TLL2: variants seen among roughly 807,000 people sequenced by gnomAD.
The protein encoded by TLL2 is tolloid-like protein 2.
A neutral mutation model predicts 123.0 loss-of-function variants in TLL2; 106 were observed. The observed-to-expected ratio is 0.86, with a 90% CI of 0.74 to 1.01. The LOEUF (loss-of-function observed/expected upper bound fraction) is 1.01. Among genes scored for constraint, TLL2 ranks in the 50% least tolerant of loss-of-function variants. The probability of loss-of-function intolerance (pLI) is 0.00; values close to 1 mark genes in which losing one functional copy is unlikely to be tolerated. For missense variants in TLL2, 1,332 were observed against 1,336.7 expected, an observed-to-expected ratio of 1.00 and a Z score of 0.06; for synonymous variants, 494 against 516.8, an observed-to-expected ratio of 0.96 and a Z score of 0.60.
intron 1 of TLL2, among the ~76,000 whole-genome samples, chr10:96,488,494 A>G (rs1421721545): frequency 6.6e-6 from 1 of 152,182 alleles, no homozygotes; most frequent in Admixed American, 6.5e-5. Flanking sequence ...TGTTCTACAG[A>G]TCTTGCCCCA....
intron 1 of TLL2, among the ~76,000 whole-genome samples, chr10:96,505,105 G>A (rs1233099863): frequency 6.6e-6 from 1 of 152,264 alleles, no homozygotes; most frequent in East Asian, 1.9e-4. Flanking sequence ...TTGACTCGCA[G>A]TTCTGCATGG....
At chr10:96,384,357 T>C (rs147552429) in intron 16 of TLL2, among the ~76,000 whole-genome samples, 2 of 152,348 alleles carry the variant, frequency 1.3e-5, no homozygotes, top group South Asian at 2.1e-4. Flanking sequence ...TTCTGTTGTG[T>C]TAAACCAACC....
chr10:96,451,291 T>G (rs189252802), intron 2 of TLL2, among the ~76,000 whole-genome samples: 10 of 152,330 alleles, frequency 6.6e-5, no homozygotes, highest in African/African-American at 2.2e-4. Context: ...AAGCCCAATT[T>G]TCTTCCGCTC....
intron 15 of TLL2, 99 bp from the exon 16 acceptor site, chr10:96,384,866 G>A (rs1438638545): frequency 1.1e-5 from 13 of 1,212,942 alleles, no homozygotes; most frequent in East Asian, 5.4e-5. Context: ...TCACCCTACC[G>A]TGTGTGGCGG....
At chr10:96,445,902 G>A (rs1846893504) in intron 3 of TLL2, among the ~76,000 whole-genome samples, 189 bp downstream of exon 3, 1 of 152,194 alleles carries the variant, frequency 6.6e-6, no homozygotes. Flanking sequence ...TGCTTCATGA[G>A]TACAGAGTCT....
chr10:96,373,365 T>C, intron 19 of TLL2: 1 of 452,778 alleles, frequency 2.2e-6, no homozygotes. Flanking sequence ...GGTCTCGAAC[T>C]CCTGACCTCA....
In TLL2 at chr10:96,422,636, G is replaced by C. The variant is rs1846636369; in HGVS notation, c.730C>G (p.Leu244Val). Residue 244 changes from leucine (L) to valine (V), a missense_variant, in exon 6 of 21, where the codon CTG becomes GTG. By Grantham distance (32) the Leu-to-Val change is conservative (BLOSUM62 1). Transcript: ENST00000357947. Reference sequence around the variant, plus strand: ...TGCCAAAACCCAACCACATGGCCCAGCTCGTGAGCCACAATGCCAAACTTG... The same window carrying C: ...TGCCAAAACCCAACCACATGGCCCACCTCGTGAGCCACAATGCCAAACTTG... Reference protein sequence around the residue: ...CDKFGIVAHELGHVVGFWHEH... With the variant: ...CDKFGIVAHEVGHVVGFWHEH... 3 of 1,614,210 alleles carry C rather than the reference G, an allele frequency of 1.9e-6. No individual in the cohort carries two copies. Among genetic ancestry groups the C allele is most frequent in the Non-Finnish European group, 2.5e-6 (3 of 1,180,042 alleles).
intron 2 of TLL2, among the ~76,000 whole-genome samples, chr10:96,460,564 A>T (rs1847071622): frequency 3.9e-5 from 6 of 152,168 alleles, no homozygotes; most frequent in Admixed American, 3.9e-4. Context: ...TTCTCATGAT[A>T]GTGAGTGAGT....
At chr10:96,511,353 G>A (rs1395129352) in intron 1 of TLL2, among the ~76,000 whole-genome samples, 1 of 152,214 alleles carries the variant, frequency 6.6e-6, no homozygotes, top group African/African-American at 2.4e-5. Context: ...AGGATGGGCG[G>A]ACTGAGATGT....
chr10:96,492,382 G>A (rs1313953117), intron 1 of TLL2, among the ~76,000 whole-genome samples: 1 of 152,202 alleles, frequency 6.6e-6, no homozygotes, highest in East Asian at 1.9e-4. Flanking sequence ...CCAGCACTTT[G>A]GGAGGCCGAG....
intron 10 of TLL2, among the ~76,000 whole-genome samples, chr10:96,402,011 A>C (rs1279001764): frequency 6.6e-6 from 1 of 152,212 alleles, no homozygotes; most frequent in Non-Finnish European, 1.5e-5. Context: ...AACTGTGTGG[A>C]CTTTGAGTTA....
intron 2 of TLL2, among the ~76,000 whole-genome samples, chr10:96,459,037 A>G (rs1269126503): frequency 6.6e-6 from 1 of 152,240 alleles, no homozygotes; most frequent in African/African-American, 2.4e-5. Context: ...TATAACTGCA[A>G]GAGGAGAATT....
rs769363992 is a variant in TLL2, at chr10:96,368,039, A to C, written c.*49T>G. ...CAAGGTGCTATTGTTGTTAAAAACAAAACAAAACAAAAAAAATTCTCAGTT... is the reference window on the plus strand; with the variant it reads ...CAAGGTGCTATTGTTGTTAAAAACACAACAAAACAAAAAAAATTCTCAGTT... On this transcript the variant is annotated 3_prime_UTR_variant, in exon 21 of 21. Coordinates refer to ENST00000357947, the MANE Select transcript of TLL2 (RefSeq NM_012465.4). The C allele has an allele frequency of 1.2e-6, 2 of 1,609,072 alleles. No individual in the cohort carries two copies. Among genetic ancestry groups the C allele is most frequent in the Admixed American group, 3.4e-5 (2 of 59,448 alleles).
intron 4 of TLL2, among the ~76,000 whole-genome samples, chr10:96,429,627 G>C (rs775137088): frequency 6.6e-5 from 10 of 152,292 alleles, no homozygotes; most frequent in East Asian, 3.9e-4. Flanking sequence ...TTTGAAGTAG[G>C]GGGGAGTCAA....
chr10:96,414,539 C>T (rs770046831), intron 7 of TLL2, among the ~76,000 whole-genome samples: 7 of 151,932 alleles, frequency 4.6e-5, no homozygotes, highest in Non-Finnish European at 1.0e-4. Context: ...TTCAGTGATG[C>T]CCCTTGGGTT....
intron 5 of TLL2, among the ~76,000 whole-genome samples, chr10:96,425,259 T>TTTTC (rs555140765): frequency 4.2e-5 from 6 of 144,258 alleles, no homozygotes; most frequent in African/African-American, 7.8e-5. Flanking sequence ...CATTACTGTT[T>TTTTC]TCTCTCTCTC....
At chr10:96,410,977 C>T (rs1846497499) in intron 8 of TLL2, among the ~76,000 whole-genome samples, 1 of 152,062 alleles carries the variant, frequency 6.6e-6, no homozygotes, top group Non-Finnish European at 1.5e-5. Flanking sequence ...CGTGGTGGCT[C>T]ACGCCTGTAA....
At chr10:96,379,827 A>T (rs10748676) in intron 16 of TLL2, among the ~76,000 whole-genome samples, 85,764 of 152,084 alleles carry the variant, frequency 0.56, 24,611 homozygotes, top group East Asian at 0.73. Context: ...CATCTCAAAA[A>T]CAAAACAAAA....
At chr10:96,422,778 C>G (rs747644189) in intron 5 of TLL2, 51 bp from the exon 6 acceptor site, 1 of 1,603,008 alleles carries the variant, frequency 6.2e-7, no homozygotes, top group Non-Finnish European at 8.5e-7. Context: ...ACATTCAGAG[C>G]AAGAGGCAAG....
Sources: gnomAD v4.1 joint callset for allele counts (sites outside exome capture counted in the v4.1 genomes callset) on GRCh38, gnomAD v4.1.1 for gene constraint, MANE v1.5 for transcripts, NCBI Gene and HGNC (gene_info 2026-07-23, HGNC 2026-07-21) for gene names.